The following PTPN1 variants were observed in gnomAD, a reference collection of about 807,000 sequenced individuals.
The protein encoded by PTPN1 is protein tyrosine phosphatase non-receptor type 1.
PTPN1 carries 12 observed loss-of-function variants against 59.9 expected under a neutral mutation model. The observed-to-expected ratio is 0.20, with a 90% CI of 0.13 to 0.32. The LOEUF is 0.32. PTPN1 is among the 10% of genes least tolerant of loss of function. The pLI is 1.00. For synonymous variants in PTPN1, 178 were observed against 203.6 expected, an observed-to-expected ratio of 0.87 and a Z score of 1.07; for missense variants, 356 against 549.2, an observed-to-expected ratio of 0.65 and a Z score of 3.52.
intron 1 of PTPN1, among the ~76,000 whole-genome samples, chr20:50,516,351 G>T (rs1379546614): frequency 1.3e-5 from 2 of 152,072 alleles, no homozygotes; most frequent in East Asian, 3.9e-4. Flanking sequence ...TATAGTTGCA[G>T]TCTCAGCTGT....
chr20:50,524,995 ATAAG>A (rs1386016225), intron 1 of PTPN1, among the ~76,000 whole-genome samples: 1 of 152,212 alleles, frequency 6.6e-6, no homozygotes, highest in Non-Finnish European at 1.5e-5. Flanking sequence ...TGGCTAAGTG[ATAAG>A]ACTGAATTTT....
chr20:50,546,042 G>A (rs528441384), intron 1 of PTPN1, among the ~76,000 whole-genome samples: 2 of 151,866 alleles, frequency 1.3e-5, no homozygotes, highest in Non-Finnish European at 2.9e-5. Context: ...GTCCTGTCTC[G>A]AAAAGAAAGA....
Position 50,561,392 on chromosome 20 carries a change from A to G in PTPN1, c.93A>G (p.Pro31=), listed in dbSNP as rs902249313. 1.2e-6 allele frequency: 2 copies of G among 1,613,078 alleles called. No homozygotes were observed. The highest frequency in any genetic ancestry group is 2.7e-5 in the African/African-American group (2 of 74,854). The change falls in exon 2 of 10, where the codon CCA becomes CCG. Residue 31 remains proline, a synonymous_variant. Transcript: ENST00000371621. Reference sequence around the variant, plus strand: ...TCCGACATGAAGCCAGTGACTTCCCATGTAGAGTGGCCAAGCTTCCTAAGA... The same window carrying G: ...TCCGACATGAAGCCAGTGACTTCCCGTGTAGAGTGGCCAAGCTTCCTAAGA... The part of the protein sequence containing the change: ...QDIRHEASDF[P]CRVAKLPKNK...
chr20:50,545,785 G>A (rs1403911148), intron 1 of PTPN1, among the ~76,000 whole-genome samples: 1 of 152,124 alleles, frequency 6.6e-6, no homozygotes, highest in Non-Finnish European at 1.5e-5. Flanking sequence ...GGAGGCCAAG[G>A]CAGGCAGATC....
intron 1 of PTPN1, among the ~76,000 whole-genome samples, chr20:50,549,345 A>C (rs1238537971): frequency 6.6e-6 from 1 of 152,136 alleles, no homozygotes; most frequent in Non-Finnish European, 1.5e-5. Context: ...TTCACGAAGC[A>C]TTTTTCATGC....
At chr20:50,538,068 A>G (rs1317957030) in intron 1 of PTPN1, among the ~76,000 whole-genome samples, 3 of 152,160 alleles carry the variant, frequency 2.0e-5, no homozygotes, top group Non-Finnish European at 4.4e-5. Context: ...GGAACAAATA[A>G]CCGAAAAGAT....
rs552691427 is a variant in PTPN1 at position 50,559,567 on chromosome 20, C to T, written c.64-1796C>T. Among the ~76,000 whole-genome samples the T allele has an allele frequency of 1.2e-4, 18 of 152,182 alleles. No individual in the cohort carries two copies. In the South Asian group the frequency reaches 3.7e-3, roughly 32 times the overall value. ...TCATTATGAAGAGTACTGGATGGGT[C>T]GGGAGGTTTTCTTGAATTACTTCTT... On this transcript the variant is annotated intron_variant, in intron 1 of 9. Transcript: ENST00000371621.
intron 1 of PTPN1, among the ~76,000 whole-genome samples, chr20:50,532,617 C>T (rs1196311397): frequency 6.6e-6 from 1 of 151,980 alleles, no homozygotes; most frequent in African/African-American, 2.4e-5. Flanking sequence ...TGTAATTCCC[C>T]CATAGAACTA....
chr20:50,538,712 CTAT>C (rs1025825929), intron 1 of PTPN1, among the ~76,000 whole-genome samples: 22 of 152,274 alleles, frequency 1.4e-4, no homozygotes, highest in African/African-American at 5.3e-4. Flanking sequence ...TGCTTCTATA[CTAT>C]TATCTTTATT....
intron 1 of PTPN1, among the ~76,000 whole-genome samples, chr20:50,514,834 G>C (rs552178819): frequency 6.6e-6 from 1 of 152,292 alleles, no homozygotes; most frequent in African/African-American, 2.4e-5. Context: ...GTTCCCAGAT[G>C]ATGTAGTTTG....
chr20:50,545,974 G>A lies in PTPN1; in HGVS notation c.64-15389G>A, dbSNP rs987328860. On this transcript the variant is annotated intron_variant, in intron 1 of 9. Transcript: ENST00000371621. The stretch of plus-strand genomic sequence containing the variant: ...GATCACCTGAGCCCTAGAAGTCGAG[G>A]CTTCAGTGAGCCCTTATTGTGCCAC... 3.9e-5 allele frequency among the ~76,000 whole-genome samples: 6 copies of A among 152,102 alleles called. No individual in the cohort carries two copies. In the South Asian group the frequency reaches 1.0e-3, roughly 26 times the overall value.
intron 5 of PTPN1, among the ~76,000 whole-genome samples, chr20:50,576,806 C>T (rs987698951): frequency 1.3e-5 from 2 of 152,028 alleles, no homozygotes; most frequent in South Asian, 4.2e-4. Context: ...ACCCAGGAGG[C>T]GGAGGTTGCA....
chr20:50,582,737 C>T lies in PTPN1; in HGVS notation c.*22C>T. On this transcript the variant is annotated 3_prime_UTR_variant, in exon 10 of 10. Transcript: ENST00000371621. This position sits in a 1 kb window ranked among gnomAD's most constrained non-coding sequence, Gnocchi z 4.2. Reference sequence around the variant, plus strand: ...ATAGCCTGACCCTCCTCCACTCCACCTCCACCCACTGTCCGCCTCTGCCCG... The same window carrying T: ...ATAGCCTGACCCTCCTCCACTCCACTTCCACCCACTGTCCGCCTCTGCCCG... The T allele has an allele frequency of 6.2e-7, 1 of 1,613,412 alleles. No individual in the cohort carries two copies. The highest frequency in any genetic ancestry group is 8.5e-7 in the Non-Finnish European group (1 of 1,179,766).
At chr20:50,555,704 G>A (rs954079460) in intron 1 of PTPN1, among the ~76,000 whole-genome samples, 1 of 150,662 alleles carries the variant, frequency 6.6e-6, no homozygotes, top group African/African-American at 2.4e-5. Flanking sequence ...ACATCTCCAC[G>A]TTTTGCTTCT....
intron 1 of PTPN1, among the ~76,000 whole-genome samples, chr20:50,555,767 A>G (rs958315885): frequency 2.0e-5 from 3 of 151,392 alleles, no homozygotes; most frequent in Non-Finnish European, 4.4e-5. Flanking sequence ...GCACACACAC[A>G]CACCAAAAAA....
intron 1 of PTPN1, among the ~76,000 whole-genome samples, chr20:50,549,084 T>C (rs573116884): frequency 6.6e-6 from 1 of 152,360 alleles, no homozygotes; most frequent in Non-Finnish European, 1.5e-5. Flanking sequence ...TGGATTTTTG[T>C]TCTAGTTGAT....
intron 1 of PTPN1, among the ~76,000 whole-genome samples, chr20:50,556,034 C>CTT (rs745934751): frequency 5.3e-4 from 76 of 143,190 alleles, no homozygotes; most frequent in Non-Finnish European, 1.0e-3. Context: ...TTTTTCAGGT[C>CTT]TTTTTTTTTT....
intron 1 of PTPN1, among the ~76,000 whole-genome samples, chr20:50,539,644 CTTTTTTTTTTTTT>C (rs5841806): frequency 1.1e-4 from 10 of 90,538 alleles, no homozygotes; most frequent in African/African-American, 3.6e-4. Context: ...CTCTTTCTCT[CTTTTTTTTTTTTT>C]TTTTTTTTTT....
In PTPN1 at chr20:50,568,523, C is replaced by T; in HGVS notation, c.354+45C>T. ...GCTGTGTATGTGATCATGCATACCA[C>T]TCCATATAGTTACCATTTTCGTCCA... is the stretch of plus-strand genomic sequence containing the variant. On this transcript the variant is annotated intron_variant, in intron 4 of 9. Coordinates refer to ENST00000371621, the MANE Select transcript of PTPN1 (RefSeq NM_002827.4). This position sits in a 1 kb window ranked among gnomAD's most constrained non-coding sequence, Gnocchi z 5.6. The T allele has an allele frequency of 1.4e-6, 2 of 1,403,288 alleles. No individual in the cohort carries two copies. The highest frequency in any genetic ancestry group is 2.3e-5 in the South Asian group (2 of 86,164). The allele number at this position is 1,403,288 out of a possible 1,614,324, so 86.9% of individuals were successfully genotyped here.
Sources: allele counts gnomAD v4.1 joint callset (sites outside exome capture counted in the v4.1 genomes callset), GRCh38; gene constraint gnomAD v4.1.1; non-coding constraint Gnocchi (gnomAD v3.1); transcripts MANE v1.5; gene names NCBI Gene and HGNC (gene_info 2026-07-23, HGNC 2026-07-21).